GUCY2C: variants seen among roughly 807,000 people sequenced by gnomAD.
The protein encoded by GUCY2C is guanylyl cyclase C.
A neutral mutation model predicts 131.1 loss-of-function variants in GUCY2C; 118 were observed. The ratio of observed to expected loss-of-function variants is 0.90; its 90% CI spans 0.78 to 1.05. GUCY2C has a LOEUF of 1.05. Among genes scored for constraint, GUCY2C ranks in the 50% least tolerant of loss-of-function variants. The pLI, the probability that GUCY2C is intolerant of heterozygous loss-of-function variation, is 0.00. For missense variants in GUCY2C, 1,161 were observed against 1,304.4 expected (o/e 0.89, Z 1.69); for synonymous variants, 452 against 457.8 (o/e 0.99, Z 0.16).
Position 14,681,374 on chromosome 12 carries a change from G to C in GUCY2C, c.715C>G (p.His239Asp), listed in dbSNP as rs138736202. 4 of 1,612,268 alleles carry C rather than the reference G, an allele frequency of 2.5e-6. No individual in the cohort carries two copies. The highest frequency in any genetic ancestry group is 2.5e-6 in the Non-Finnish European group (3 of 1,178,710). Residue 239 changes from histidine to aspartate, a missense_variant, in exon 5 of 27, where the codon CAC becomes GAC. His to Asp is a moderately conservative substitution (Grantham distance 81). Coordinates refer to ENST00000261170, the MANE Select transcript of GUCY2C (RefSeq NM_004963.4). ...TTCTTACCATTGCTTTTCCTGTTGT[G>C]GTCCATTAAGATATCCTGAAACTCC... The part of the protein sequence containing the change: ...DKEFQDILMD[H>D]NRKSNVIIMC...
intron 19 of GUCY2C, among the ~76,000 whole-genome samples, chr12:14,632,912 G>A (rs747712732): frequency 6.6e-6 from 1 of 152,144 alleles, no homozygotes; most frequent in Non-Finnish European, 1.5e-5. Flanking sequence ...TATACCACTT[G>A]TGGACCTGCA....
chr12:14,696,334 C>T lies in GUCY2C; in HGVS notation c.115G>A (p.Val39Ile), dbSNP rs764376792. Residue 39 changes from valine (V) to isoleucine (I), a missense_variant, in exon 1 of 27, where the codon GTC becomes ATC. Transcript: ENST00000261170. ...NCHNGSYEIS[V>I]LMMGNSAFAE... ...AAGGCTGAGTTGCCCATCATCAGGACGCTGATTTCATAGCTGCCATTGTGG... is the reference window on the plus strand; with the variant it reads ...AAGGCTGAGTTGCCCATCATCAGGATGCTGATTTCATAGCTGCCATTGTGG... 42 of 1,613,946 alleles carry T rather than the reference C, an allele frequency of 2.6e-5. No homozygotes were observed. Among genetic ancestry groups the T allele is most frequent in the South Asian group, 1.9e-4 (17 of 91,082 alleles).
At chr12:14,623,191 C>T (rs551958246) in intron 21 of GUCY2C, among the ~76,000 whole-genome samples, 15 of 152,326 alleles carry the variant, frequency 9.8e-5, no homozygotes, top group African/African-American at 3.6e-4. Context: ...ATTCAGGAAG[C>T]CTTCAGTCCC....
intron 9 of GUCY2C, among the ~76,000 whole-genome samples, chr12:14,670,619 G>A (rs1379754753): frequency 2.0e-5 from 3 of 151,946 alleles, no homozygotes; most frequent in East Asian, 2.0e-4. Context: ...ATTGAATCAT[G>A]GGACCGGTCT....
intron 19 of GUCY2C, among the ~76,000 whole-genome samples, chr12:14,639,231 G>A (rs917135988): frequency 1.3e-5 from 2 of 149,658 alleles, no homozygotes; most frequent in African/African-American, 4.9e-5. Flanking sequence ...ACGGGAGGCC[G>A]GAGTTGCAGT....
rs1947457822 is a variant in GUCY2C at position 14,643,816 on chromosome 12, A to G, written c.1798-110T>C. On this transcript the variant is annotated intron_variant, in intron 16 of 26. Coordinates refer to ENST00000261170, the MANE Select transcript of GUCY2C (RefSeq NM_004963.4). ...AACCATTTCAGCAGATGGTCACACC[A>G]TCAGATTTTAATTTTAGTCCCACTA... is the stretch of plus-strand genomic sequence containing the variant. The G allele has an allele frequency of 2.4e-5, 22 of 908,946 alleles. No homozygotes were observed. In the Admixed American group the frequency reaches 4.9e-4, roughly 20 times the overall value. 56.3% of individuals were successfully genotyped at this position (908,946 alleles called of 1,614,324 possible).
intron 10 of GUCY2C, among the ~76,000 whole-genome samples, chr12:14,664,262 TCAC>T (rs1947924994): frequency 6.6e-6 from 1 of 152,164 alleles, no homozygotes; most frequent in African/African-American, 2.4e-5. Context: ...TCCATCACTA[TCAC>T]CACTATTGCC....
At chr12:14,616,042 T>C (rs1047170674) in intron 25 of GUCY2C, among the ~76,000 whole-genome samples, 8 of 152,160 alleles carry the variant, frequency 5.3e-5, no homozygotes, top group Non-Finnish European at 1.2e-4. Flanking sequence ...TTCTCAAATA[T>C]TAGTGTGGTC....
chr12:14,621,437 T>C (rs1434737856), intron 22 of GUCY2C, among the ~76,000 whole-genome samples: 2 of 152,214 alleles, frequency 1.3e-5, no homozygotes. Flanking sequence ...TAAAGGAATT[T>C]AGCCATTTAA....
At chr12:14,667,362 A>G (rs1741520279) in intron 10 of GUCY2C, among the ~76,000 whole-genome samples, 1 of 152,260 alleles carries the variant, frequency 6.6e-6, no homozygotes, top group African/African-American at 2.4e-5. Flanking sequence ...TTAAAAGCTT[A>G]TTAAATAAAA....
intron 1 of GUCY2C, among the ~76,000 whole-genome samples, chr12:14,695,264 T>C (rs1004008056): frequency 6.6e-6 from 1 of 152,198 alleles, no homozygotes; most frequent in African/African-American, 2.4e-5. Context: ...GGCTGCTTTT[T>C]TTCCCCCTTT....
Position 14,651,476 on chromosome 12 carries a change from G to T in GUCY2C, c.1641C>A (p.Phe547Leu), listed in dbSNP as rs1259295376. Residue 547 changes from phenylalanine to leucine, a missense_variant, in exon 15 of 27, where the codon TTC becomes TTA. Coordinates refer to ENST00000261170, the MANE Select transcript of GUCY2C (RefSeq NM_004963.4). ...TGGTATCAAGTTTCACTGTGCCGTA[G>T]AACTTGGTCAGGTTGTAATAGTCAA... ...LQIDYYNLTKFYGTVKLDTMI... is the reference protein window; with the variant it reads ...LQIDYYNLTKLYGTVKLDTMI... 1.2e-6 allele frequency: 2 copies of T among 1,608,300 alleles called. No individual in the cohort carries two copies. The highest frequency in any genetic ancestry group is 3.3e-5 in the Admixed American group (2 of 59,982).
rs1291758016 is a variant in GUCY2C, at chr12:14,613,490, G to T, written c.3048-199C>A. On this transcript the variant is annotated intron_variant, in intron 26 of 26. Transcript: ENST00000261170. This position sits in a 1 kb window ranked among gnomAD's most constrained non-coding sequence, Gnocchi z 4.9. Reference sequence around the variant, plus strand: ...ACTGTTATCTCTGCTAGGAAATTAGGCTTCAATTTCAAAGTGAAACAATAT... The same window carrying T: ...ACTGTTATCTCTGCTAGGAAATTAGTCTTCAATTTCAAAGTGAAACAATAT... 6.6e-6 allele frequency among the ~76,000 whole-genome samples: 1 copy of T among 152,056 alleles called. No homozygotes were observed. The highest frequency in any genetic ancestry group is 2.4e-5 in the African/African-American group (1 of 41,410).
chr12:14,641,305 A>G (rs1592101536), intron 17 of GUCY2C, 86 bp from the exon 18 acceptor site: 1 of 1,278,960 alleles, frequency 7.8e-7, no homozygotes, highest in Non-Finnish European at 1.1e-6. Context: ...CTAATTCCCT[A>G]CACCATCCAC....
At chr12:14,664,598 A>C (rs1481803188) in intron 10 of GUCY2C, among the ~76,000 whole-genome samples, 1 of 152,132 alleles carries the variant, frequency 6.6e-6, no homozygotes, top group Non-Finnish European at 1.5e-5. Flanking sequence ...TCTAAATTCC[A>C]AGGTTAAGCT....
At chr12:14,641,997 A>C (rs571063301) in intron 17 of GUCY2C, among the ~76,000 whole-genome samples, 1 of 152,162 alleles carries the variant, frequency 6.6e-6, no homozygotes, top group East Asian at 1.9e-4. Context: ...ATTATAATTT[A>C]TTAGTTAATG....
intron 17 of GUCY2C, among the ~76,000 whole-genome samples, chr12:14,643,284 CCTT>C (rs1947446387): frequency 6.6e-6 from 1 of 152,178 alleles, no homozygotes; most frequent in East Asian, 1.9e-4. Context: ...CCTGCTCTAA[CCTT>C]CTATATTTTT....
chr12:14,689,706 G>A (rs1948541251), intron 1 of GUCY2C, among the ~76,000 whole-genome samples: 1 of 152,248 alleles, frequency 6.6e-6, no homozygotes, highest in Non-Finnish European at 1.5e-5. Flanking sequence ...ACGCATGAGG[G>A]AATGGCCTTT....
At chr12:14,649,727 A>C (rs1176217348) in intron 15 of GUCY2C, among the ~76,000 whole-genome samples, 3 of 152,182 alleles carry the variant, frequency 2.0e-5, no homozygotes, top group African/African-American at 7.2e-5. Context: ...ATTTCTAGGA[A>C]TAATAATAAC....
Sources: gnomAD v4.1 joint callset for allele counts (sites outside exome capture counted in the v4.1 genomes callset) on GRCh38, gnomAD v4.1.1 for gene constraint, Gnocchi (gnomAD v3.1) non-coding constraint, MANE v1.5 for transcripts, NCBI Gene and HGNC (gene_info 2026-07-23, HGNC 2026-07-21) for gene names.